Variants in GNAQ observed in about 807,000 individuals in gnomAD.
GNAQ encodes the protein guanine nucleotide-binding protein G(q) subunit alpha.
Under a neutral mutation model 43.9 loss-of-function variants are expected in GNAQ, and 8 were observed. The ratio of observed to expected loss-of-function variants is 0.18; its 90% CI spans 0.11 to 0.33. GNAQ has a LOEUF of 0.33. GNAQ is among the 10% of genes least tolerant of loss of function. The pLI is 1.00. For missense variants in GNAQ, 158 were observed against 450.8 expected (o/e 0.35, Z 5.88); for synonymous variants, 155 against 170.7 (o/e 0.91, Z 0.71).
intron 5 of GNAQ, among the ~76,000 whole-genome samples, chr9:77,757,427 C>T (rs1025036572): frequency 6.6e-6 from 1 of 152,206 alleles, no homozygotes. Flanking sequence ...CACCATTACG[C>T]TCAAATTGAC....
chr9:77,807,090 G>A lies in GNAQ; in HGVS notation c.476+8526C>T, dbSNP rs936275980. Among the ~76,000 whole-genome samples the A allele has an allele frequency of 2.6e-5, 4 of 152,260 alleles. No homozygotes were observed. The South Asian group carries it at 6.2e-4, about 24-fold the overall frequency. ...TGGAGAGCTGGTCATGCTAACATGA[G>A]TTAACGTAAACTAATTATAAATCAA... On this transcript the variant is annotated intron_variant, in intron 3 of 6. Transcript: ENST00000286548.
intron 2 of GNAQ, among the ~76,000 whole-genome samples, chr9:77,901,512 G>A (rs1828616717): frequency 6.6e-6 from 1 of 152,132 alleles, no homozygotes; most frequent in Non-Finnish European, 1.5e-5. Flanking sequence ...TCACCTGGCA[G>A]AGCCGTCCTG....
At chr9:77,838,198 C>A (rs1827424657) in intron 2 of GNAQ, among the ~76,000 whole-genome samples, 2 of 135,790 alleles carry the variant, frequency 1.5e-5, no homozygotes, top group African/African-American at 5.8e-5. Context: ...AGCTGGAGTG[C>A]AATGGCGCAA....
chr9:77,990,005 C>T (rs1823488804), intron 1 of GNAQ, among the ~76,000 whole-genome samples: 1 of 152,060 alleles, frequency 6.6e-6, no homozygotes, highest in Admixed American at 6.6e-5. Flanking sequence ...TTTCCAAAAA[C>T]TAGTGTCTTC....
At chr9:77,752,555 C>T (rs1825827698) in intron 5 of GNAQ, among the ~76,000 whole-genome samples, 1 of 152,198 alleles carries the variant, frequency 6.6e-6, no homozygotes, top group Non-Finnish European at 1.5e-5. Context: ...GGTTAAGTAA[C>T]TTGCTCCCAA....
intron 1 of GNAQ, among the ~76,000 whole-genome samples, chr9:77,993,626 T>C (rs1823535132): frequency 6.6e-6 from 1 of 151,534 alleles, no homozygotes. Flanking sequence ...TGCTTAAACC[T>C]GGGAGGCAGA....
intron 3 of GNAQ, among the ~76,000 whole-genome samples, chr9:77,799,447 TA>T (rs1329674458): frequency 6.6e-6 from 1 of 152,176 alleles, no homozygotes; most frequent in African/African-American, 2.4e-5. Context: ...CCTTAGTACC[TA>T]AAAGAATGCC....
At chr9:77,950,560 T>C (rs1024255843) in intron 1 of GNAQ, among the ~76,000 whole-genome samples, 1 of 152,216 alleles carries the variant, frequency 6.6e-6, no homozygotes, top group Non-Finnish European at 1.5e-5. Flanking sequence ...ACATCTGTAC[T>C]GATAAACAAG....
chr9:77,938,114 A>G (rs1468284016), intron 1 of GNAQ, among the ~76,000 whole-genome samples: 3 of 152,206 alleles, frequency 2.0e-5, no homozygotes, highest in African/African-American at 7.2e-5. Context: ...ATCCTCCTGT[A>G]TACTTTAAAT....
intron 1 of GNAQ, among the ~76,000 whole-genome samples, chr9:77,988,153 G>T (rs895102207): frequency 3.9e-5 from 6 of 152,206 alleles, no homozygotes; most frequent in African/African-American, 1.4e-4. Context: ...AGGAGTAGAA[G>T]GAGATGATGT....
At chr9:77,849,206 G>C (rs1827633548) in intron 2 of GNAQ, among the ~76,000 whole-genome samples, 1 of 152,166 alleles carries the variant, frequency 6.6e-6, no homozygotes, top group African/African-American at 2.4e-5. Context: ...GATAACTGAT[G>C]ACTCCCAAAG....
rs529068046 is a variant in GNAQ, at chr9:77,857,542, A to AAGGG, written c.322-41776_322-41773dup. Among the ~76,000 whole-genome samples the AAGGG allele has an allele frequency of 6.7e-3, 930 of 138,658 alleles. 22 individuals carry two copies. The highest frequency in any genetic ancestry group is 0.023 in the African/African-American group (879 of 38,344). The allele number at this position is 138,658 out of a possible 152,430, so 91.0% of individuals were successfully genotyped here. ...GGAAGAAGGAAGGAAGGGAAGAAGG[A>AAGGG]AGGGAGGGAGGGAGGGAAGGAAGGA... On this transcript the variant is annotated intron_variant, in intron 2 of 6. Transcript: ENST00000286548.
At chr9:77,807,073 T>G (rs924876710) in intron 3 of GNAQ, among the ~76,000 whole-genome samples, 1 of 152,188 alleles carries the variant, frequency 6.6e-6, no homozygotes, top group Non-Finnish European at 1.5e-5. Flanking sequence ...TCTGGAGAGC[T>G]GGTCATGCTA....
chr9:77,775,928 C>T (rs1826300398), intron 5 of GNAQ, among the ~76,000 whole-genome samples: 1 of 151,068 alleles, frequency 6.6e-6, no homozygotes, highest in Non-Finnish European at 1.5e-5. Flanking sequence ...CTGTATCAAA[C>T]AAATAAAAAA....
intron 1 of GNAQ, among the ~76,000 whole-genome samples, chr9:77,944,656 C>T (rs184806846): frequency 1.1e-4 from 16 of 152,246 alleles, no homozygotes; most frequent in South Asian, 1.0e-3. Context: ...CTCATTGTAA[C>T]GCAAGAGAAA....
intron 1 of GNAQ, among the ~76,000 whole-genome samples, chr9:77,965,678 T>A (rs1823157456): frequency 6.6e-6 from 1 of 152,266 alleles, no homozygotes; most frequent in South Asian, 2.1e-4. Context: ...AACATTTTTT[T>A]AAAAGACTGA....
chr9:77,769,351 G>A (rs1826183516), intron 5 of GNAQ, among the ~76,000 whole-genome samples: 1 of 151,426 alleles, frequency 6.6e-6, no homozygotes, highest in Non-Finnish European at 1.5e-5. Flanking sequence ...GCAGTGAGCT[G>A]AGAGATTGCG....
chr9:77,800,581 G>C (rs1274878586), intron 3 of GNAQ, among the ~76,000 whole-genome samples: 2 of 152,172 alleles, frequency 1.3e-5, no homozygotes, highest in Admixed American at 1.3e-4. Flanking sequence ...TGTGGGGGGA[G>C]GGATAGCATT....
chr9:77,965,500 A>C (rs931913849), intron 1 of GNAQ, among the ~76,000 whole-genome samples: 2 of 152,096 alleles, frequency 1.3e-5, no homozygotes, highest in Admixed American at 1.3e-4. Context: ...TTAATACACA[A>C]AAAAAATAAG....
Sources: allele counts gnomAD v4.1 joint callset (sites outside exome capture counted in the v4.1 genomes callset), GRCh38; gene constraint gnomAD v4.1.1; transcripts MANE v1.5; gene names NCBI Gene and HGNC (gene_info 2026-07-23, HGNC 2026-07-21).